The following GALNTL6 variants were observed in gnomAD, a reference collection of about 807,000 sequenced individuals.
GALNTL6 encodes polypeptide N-acetylgalactosaminyltransferase-like 6.
A neutral mutation model predicts 73.7 loss-of-function variants in GALNTL6; 46 were observed. The observed-to-expected ratio is 0.62, with a 90% confidence interval of 0.49 to 0.80. GALNTL6 has a LOEUF of 0.80. Among genes scored for constraint, GALNTL6 ranks in the 30% least tolerant of loss-of-function variants. The probability of loss-of-function intolerance (pLI) is 0.00; values close to 1 mark genes in which losing one functional copy is unlikely to be tolerated. For synonymous variants in GALNTL6, 259 were observed against 263.7 expected (o/e 0.98, Z 0.17); for missense variants, 604 against 755.0 (o/e 0.80, Z 2.34).
At chr4:172,192,867 C>A (rs1735629273) in intron 2 of GALNTL6, among the ~76,000 whole-genome samples, 2 of 152,166 alleles carry the variant, frequency 1.3e-5, no homozygotes, top group Admixed American at 1.3e-4. Flanking sequence ...CTTGCTGGTG[C>A]CCAGGATATG....
At chr4:172,713,716 TTCTC>T (rs1734870988) in intron 5 of GALNTL6, among the ~76,000 whole-genome samples, 1 of 152,178 alleles carries the variant, frequency 6.6e-6, no homozygotes, top group African/African-American at 2.4e-5. Flanking sequence ...ATGCCCATTC[TTCTC>T]TCTAATTAGT....
chr4:172,223,349 C>G (rs555514085), intron 2 of GALNTL6, among the ~76,000 whole-genome samples: 3 of 152,146 alleles, frequency 2.0e-5, no homozygotes, highest in African/African-American at 7.2e-5. Flanking sequence ...AATGCAGAAA[C>G]TTCTGTGTAG....
At chr4:172,282,400 C>G (rs1739092690) in intron 3 of GALNTL6, among the ~76,000 whole-genome samples, 1 of 152,058 alleles carries the variant, frequency 6.6e-6, no homozygotes, top group African/African-American at 2.4e-5. Context: ...TCATAGCGTA[C>G]TAGTGGCAAG....
At chr4:172,342,798 C>T (rs565671554) in intron 4 of GALNTL6, among the ~76,000 whole-genome samples, 1 of 152,258 alleles carries the variant, frequency 6.6e-6, no homozygotes, top group South Asian at 2.1e-4. Flanking sequence ...GACTCTATTC[C>T]TTCTGTACAA....
intron 5 of GALNTL6, among the ~76,000 whole-genome samples, chr4:172,767,670 T>TC (rs1553986532): frequency 5.9e-5 from 8 of 136,264 alleles, no homozygotes; most frequent in Admixed American, 1.5e-4. Context: ...TTTTTTTCTT[T>TC]TTTTTTTTTT....
At chr4:172,969,148 G>A (rs146333723) in intron 10 of GALNTL6, among the ~76,000 whole-genome samples, 1 of 152,172 alleles carries the variant, frequency 6.6e-6, no homozygotes, top group East Asian at 1.9e-4. Context: ...TATGGAAAGA[G>A]AACTGAGAAA....
At chr4:172,620,344 C>T (rs1303774347) in intron 5 of GALNTL6, among the ~76,000 whole-genome samples, 1 of 151,892 alleles carries the variant, frequency 6.6e-6, no homozygotes, top group Non-Finnish European at 1.5e-5. Flanking sequence ...CTTGGAGGTC[C>T]CTATAGTACA....
At chr4:171,839,890 T>A (rs531880968) in intron 2 of GALNTL6, among the ~76,000 whole-genome samples, 1 of 152,248 alleles carries the variant, frequency 6.6e-6, no homozygotes, top group South Asian at 2.1e-4. Context: ...TCTAAGAGAC[T>A]TTTTTGCATC....
intron 5 of GALNTL6, among the ~76,000 whole-genome samples, chr4:172,624,203 C>G (rs1169852132): frequency 2.6e-5 from 4 of 151,836 alleles, no homozygotes; most frequent in African/African-American, 9.7e-5. Context: ...TTCTTTGGAC[C>G]CAAAATTGAG....
At chr4:172,801,638 A>C (rs1740648423) in intron 5 of GALNTL6, among the ~76,000 whole-genome samples, 1 of 152,324 alleles carries the variant, frequency 6.6e-6, no homozygotes, top group Non-Finnish European at 1.5e-5. Flanking sequence ...TTACTACTCC[A>C]TAAGGGGCCA....
chr4:172,744,280 G>A (rs1460862664), intron 5 of GALNTL6, among the ~76,000 whole-genome samples: 2 of 152,104 alleles, frequency 1.3e-5, no homozygotes, highest in Non-Finnish European at 1.5e-5. Flanking sequence ...TCACTTTAGA[G>A]CCAGTGACTG....
At chr4:172,333,419 A>AAAAAC (rs1222975586) in intron 4 of GALNTL6, among the ~76,000 whole-genome samples, 1 of 152,200 alleles carries the variant, frequency 6.6e-6, no homozygotes, top group Non-Finnish European at 1.5e-5. Flanking sequence ...AGAAAAAAAT[A>AAAAAC]AAAACAAAAC....
intron 2 of GALNTL6, among the ~76,000 whole-genome samples, chr4:171,912,742 C>G (rs1737512209): frequency 6.6e-6 from 1 of 152,144 alleles, no homozygotes; most frequent in African/African-American, 2.4e-5. Context: ...CCACTCTACC[C>G]TTTACCACCA....
At chr4:172,669,873 T>A (rs1029980072) in intron 5 of GALNTL6, among the ~76,000 whole-genome samples, 6 of 152,186 alleles carry the variant, frequency 3.9e-5, no homozygotes, top group African/African-American at 1.4e-4. Context: ...TATGTGACCA[T>A]GTGTTCTCAT....
chr4:172,016,935 T>A (rs1181875264), intron 2 of GALNTL6, among the ~76,000 whole-genome samples: 2 of 152,150 alleles, frequency 1.3e-5, no homozygotes, highest in Non-Finnish European at 2.9e-5. Flanking sequence ...GGTCACTGTC[T>A]CCTGTGGAAT....
intron 5 of GALNTL6, among the ~76,000 whole-genome samples, chr4:172,431,056 A>AT: frequency 6.6e-6 from 1 of 152,138 alleles, no homozygotes; most frequent in East Asian, 1.9e-4. Context: ...CATTATACTT[A>AT]TTTTTTCTTT....
At chr4:172,330,099 T>C (rs537316395) in intron 4 of GALNTL6, among the ~76,000 whole-genome samples, 76 of 152,344 alleles carry the variant, frequency 5.0e-4, no homozygotes, top group African/African-American at 1.7e-3. Flanking sequence ...CTGCAGACCA[T>C]TACTGCTCAA....
intron 3 of GALNTL6, among the ~76,000 whole-genome samples, chr4:172,279,944 G>A (rs1195329659): frequency 6.6e-6 from 1 of 152,154 alleles, no homozygotes; most frequent in African/African-American, 2.4e-5. Flanking sequence ...GATATAATTT[G>A]AGTATATTTT....
At chr4:172,608,446 G>A (rs558172212) in intron 5 of GALNTL6, among the ~76,000 whole-genome samples, 12 of 152,182 alleles carry the variant, frequency 7.9e-5, no homozygotes, top group Admixed American at 7.2e-4. Flanking sequence ...TTGTAGGTGA[G>A]TTGCTTTGTT....
Sources: allele counts gnomAD v4.1 joint callset (sites outside exome capture counted in the v4.1 genomes callset), GRCh38; gene constraint gnomAD v4.1.1; transcripts MANE v1.5; gene names NCBI Gene and HGNC (gene_info 2026-07-23, HGNC 2026-07-21).